The following DCPS variants were observed in gnomAD, a reference collection of about 807,000 sequenced individuals.
The protein encoded by DCPS is decapping enzyme, scavenger, also known as m7GpppX diphosphatase.
Under a neutral mutation model 34.7 loss-of-function variants are expected in DCPS, and 27 were observed. That is an observed-to-expected ratio of 0.78 (90% CI 0.57 to 1.07). The LOEUF is 1.07. Among genes scored for constraint, DCPS ranks in the 50% least tolerant of loss-of-function variants. DCPS has a pLI of 0.00. For missense variants in DCPS, 464 were observed against 436.9 expected, an observed-to-expected ratio of 1.06 and a Z score of -0.55; for synonymous variants, 185 against 185.7, an observed-to-expected ratio of 1.00 and a Z score of 0.03.
At position 126,345,287 on chromosome 11, in the gene DCPS, C is replaced by T. The variant is rs564341931; in HGVS notation, c.748-60C>T. The stretch of plus-strand genomic sequence containing the variant: ...GATGGGAGGAGGGTCTAGGTGGGGA[C>T]ATGGCGCCGGGCCTCAGGCAGCACG... On this transcript the variant is annotated intron_variant, in intron 5 of 5. Coordinates refer to ENST00000263579, the MANE Select transcript of DCPS (RefSeq NM_014026.6). This position sits in a 1 kb window ranked among gnomAD's most constrained non-coding sequence, Gnocchi z 7.4. 8 of 1,594,612 alleles carry T rather than the reference C, an allele frequency of 5.0e-6. No individual in the cohort carries two copies. In the Admixed American group the frequency reaches 1.0e-4, roughly 20 times the overall value.
rs1283342063 is a variant in DCPS at position 126,343,158 on chromosome 11, C to T, written c.637-149C>T. 5 of 650,880 alleles carry T rather than the reference C, an allele frequency of 7.7e-6. No individual in the cohort carries two copies. The Admixed American group carries it at 1.1e-4, about 14-fold the overall frequency. 40.3% of individuals were successfully genotyped at this position (650,880 alleles called of 1,614,324 possible). On this transcript the variant is annotated intron_variant, in intron 4 of 5. Transcript: ENST00000263579. ...CTGCTCCTTAAGACCATCCCACACGCCCGGGGTATGCAGATGCCCTGCGGG... is the reference window on the plus strand; with the variant it reads ...CTGCTCCTTAAGACCATCCCACACGTCCGGGGTATGCAGATGCCCTGCGGG...
At chr11:126,330,693 A>ATG (rs1951777144) in intron 2 of DCPS, among the ~76,000 whole-genome samples, 1 of 22,784 alleles carries the variant, frequency 4.4e-5, no homozygotes, top group Non-Finnish European at 7.5e-5. Flanking sequence ...TAAACCATAT[A>ATG]TATATATATA....
intron 5 of DCPS, among the ~76,000 whole-genome samples, chr11:126,343,805 C>A (rs1396937452): frequency 6.6e-6 from 1 of 152,192 alleles, no homozygotes. Context: ...TGTGTGTACA[C>A]GTGTGTCTCC....
chr11:126,322,987 G>T lies in DCPS; in HGVS notation c.377-8418G>T, dbSNP rs371432444. 6.6e-6 allele frequency among the ~76,000 whole-genome samples: 1 copy of T among 152,028 alleles called. No homozygotes were observed. Among genetic ancestry groups the T allele is most frequent in the Non-Finnish European group, 1.5e-5 (1 of 68,016 alleles). ...CGACCAGAGGCAGGTACCACCACAC[G>T]TGGCTAATTTATTATTTTTTGTAGA... On this transcript the variant is annotated intron_variant, in intron 2 of 5. Coordinates refer to ENST00000263579, the MANE Select transcript of DCPS (RefSeq NM_014026.6). This position sits in a 1 kb window ranked among gnomAD's most constrained non-coding sequence, Gnocchi z 4.2.
In DCPS at chr11:126,335,286, C is replaced by T. The variant is rs994481371; in HGVS notation, c.523-3000C>T. Among the ~76,000 whole-genome samples the T allele has an allele frequency of 1.3e-5, 2 of 152,244 alleles. No individual in the cohort carries two copies. Among genetic ancestry groups the T allele is most frequent in the African/African-American group, 4.8e-5 (2 of 41,468 alleles). On this transcript the variant is annotated intron_variant, in intron 3 of 5. Coordinates refer to ENST00000263579, the MANE Select transcript of DCPS (RefSeq NM_014026.6). The surrounding 1 kb of genome is among the most constrained non-coding windows in gnomAD (Gnocchi z 4.8). The stretch of plus-strand genomic sequence containing the variant: ...AGGGAGCTGCCAATGTCACCTACTG[C>T]AAAGAAGTCCAGCCAGGTGAGTTGC...
At chr11:126,340,972 A>G (rs567062391) in intron 4 of DCPS, 1 of 152,304 alleles carries the variant, frequency 6.6e-6, no homozygotes, top group South Asian at 2.1e-4. Flanking sequence ...ATTCAGTGAA[A>G]GTATGCTTCC....
In DCPS at chr11:126,332,148, G is replaced by T. The variant is rs1951798754; in HGVS notation, c.522+598G>T. 6.6e-6 allele frequency among the ~76,000 whole-genome samples: 1 copy of T among 152,192 alleles called. No homozygotes were observed. Among genetic ancestry groups the T allele is most frequent in the South Asian group, 2.1e-4 (1 of 4,828 alleles). Reference sequence around the variant, plus strand: ...CGGCCTGCAGGATCTCAGTCTCAGAGGAAAAACTCTTCCCTCACCGACTCC... The same window carrying T: ...CGGCCTGCAGGATCTCAGTCTCAGATGAAAAACTCTTCCCTCACCGACTCC... On this transcript the variant is annotated intron_variant, in intron 3 of 5. Transcript: ENST00000263579. The surrounding 1 kb of genome is among the most constrained non-coding windows in gnomAD (Gnocchi z 5.4).
At chr11:126,326,611 T>C (rs533786084) in intron 2 of DCPS, among the ~76,000 whole-genome samples, 91 of 152,166 alleles carry the variant, frequency 6.0e-4, no homozygotes, top group South Asian at 1.5e-3. Context: ...GTAAGAATAG[T>C]ACAAAGAACT....
chr11:126,347,977 G>A lies in DCPS; in HGVS notation c.*2364G>A, dbSNP rs1172904190. Among the ~76,000 whole-genome samples, 2 of 152,048 alleles carry A rather than the reference G, an allele frequency of 1.3e-5. No individual in the cohort carries two copies. The highest frequency in any genetic ancestry group is 1.5e-5 in the Non-Finnish European group (1 of 68,008). On this transcript the variant is annotated 3_prime_UTR_variant, in exon 6 of 6. Coordinates refer to ENST00000263579, the MANE Select transcript of DCPS (RefSeq NM_014026.6). The surrounding 1 kb of genome is among the most constrained non-coding windows in gnomAD (Gnocchi z 4.2). ...ATGCCCTCCTGCCCAGCCCCCAGTG[G>A]TGCTGCTGGAGGGTCTGACTCCACG... is the stretch of plus-strand genomic sequence containing the variant.
In DCPS at chr11:126,313,870, T is replaced by G. The variant is rs1951637084; in HGVS notation, c.376+7126T>G. Among the ~76,000 whole-genome samples, 1 of 152,234 alleles carries G rather than the reference T, an allele frequency of 6.6e-6. No homozygotes were observed. The highest frequency in any genetic ancestry group is 2.4e-5 in the African/African-American group (1 of 41,458). On this transcript the variant is annotated intron_variant, in intron 2 of 5. Coordinates refer to ENST00000263579, the MANE Select transcript of DCPS (RefSeq NM_014026.6). The surrounding 1 kb of genome is among the most constrained non-coding windows in gnomAD (Gnocchi z 4.9). ...TATATACATACACACCTGTGTTTTA[T>G]ATGTATAATGTATTTCCCAGTTGAA...
rs924614714 is a variant in DCPS, at chr11:126,325,443, A to G, written c.377-5962A>G. Among the ~76,000 whole-genome samples, 1 of 152,194 alleles carries G rather than the reference A, an allele frequency of 6.6e-6. No homozygotes were observed. The highest frequency in any genetic ancestry group is 2.1e-4 in the South Asian group (1 of 4,834). Reference sequence around the variant, plus strand: ...CATTTGGTGAAGGGATGGTAAAAAGAGATAAATTCTCATCTTCCTTAATGA... The same window carrying G: ...CATTTGGTGAAGGGATGGTAAAAAGGGATAAATTCTCATCTTCCTTAATGA... On this transcript the variant is annotated intron_variant, in intron 2 of 5. Coordinates refer to ENST00000263579, the MANE Select transcript of DCPS (RefSeq NM_014026.6). The surrounding 1 kb of genome is among the most constrained non-coding windows in gnomAD (Gnocchi z 4.3).
At chr11:126,318,229 T>C in intron 2 of DCPS, among the ~76,000 whole-genome samples, 1 of 152,224 alleles carries the variant, frequency 6.6e-6, no homozygotes, top group South Asian at 2.1e-4. Context: ...AGGCTTGCTG[T>C]GGAGTGGTTG....
chr11:126,314,960 C>T (rs966830892), intron 2 of DCPS, among the ~76,000 whole-genome samples: 3 of 151,988 alleles, frequency 2.0e-5, no homozygotes, highest in Non-Finnish European at 4.4e-5. Context: ...CCTACCTGTT[C>T]CCCAAAAACC....
intron 2 of DCPS, among the ~76,000 whole-genome samples, chr11:126,308,874 A>G (rs756746267): frequency 6.6e-6 from 1 of 151,726 alleles, no homozygotes; most frequent in South Asian, 2.1e-4. Flanking sequence ...TTCTGTTTCT[A>G]TTGTTTTTCC....
At chr11:126,326,642 G>A (rs56207600) in intron 2 of DCPS, among the ~76,000 whole-genome samples, 12,187 of 152,208 alleles carry the variant, frequency 0.08, 612 homozygotes, top group South Asian at 0.11. Context: ...AGGACTTCAC[G>A]GCCGGGCGCA....
At chr11:126,304,362 ATC>A in intron 1 of DCPS, 81 bp downstream of exon 1, 1 of 1,510,064 alleles carries the variant, frequency 6.6e-7, no homozygotes, top group Non-Finnish European at 9.1e-7. Context: ...TTTTTTTCGG[ATC>A]TCGGCTGGAA....
In DCPS at chr11:126,334,960, T is replaced by G. The variant is rs929139351; in HGVS notation, c.523-3326T>G. ...AGCCCTGGTTTCCTTGTCTGAAAAATGTAACTAATGGCTCCTCCCTCCTGG... is the reference window on the plus strand; with the variant it reads ...AGCCCTGGTTTCCTTGTCTGAAAAAGGTAACTAATGGCTCCTCCCTCCTGG... On this transcript the variant is annotated intron_variant, in intron 3 of 5. Coordinates refer to ENST00000263579, the MANE Select transcript of DCPS (RefSeq NM_014026.6). This position sits in a 1 kb window ranked among gnomAD's most constrained non-coding sequence, Gnocchi z 5.5. 3.9e-5 allele frequency among the ~76,000 whole-genome samples: 6 copies of G among 152,110 alleles called. No homozygotes were observed. The highest frequency in any genetic ancestry group is 5.9e-5 in the Non-Finnish European group (4 of 68,016).
rs61524268 is a variant in DCPS at position 126,325,208 on chromosome 11, C to CA, written c.377-6196dup. 0.84 allele frequency among the ~76,000 whole-genome samples: 127,139 copies of CA among 152,112 alleles called. 53,678 individuals carry two copies. Among genetic ancestry groups the CA allele is most frequent in the East Asian group, 1 (5,169 of 5,176 alleles). ...TTTCGAAAAAAGAAAAAAAATTAAA[C>CA]AGTAAAAATGTAATGACTTATTCCA... is the stretch of plus-strand genomic sequence containing the variant. On this transcript the variant is annotated intron_variant, in intron 2 of 5. Coordinates refer to ENST00000263579, the MANE Select transcript of DCPS (RefSeq NM_014026.6). The surrounding 1 kb of genome is among the most constrained non-coding windows in gnomAD (Gnocchi z 4.3).
intron 2 of DCPS, among the ~76,000 whole-genome samples, chr11:126,310,912 A>G (rs1162741152): frequency 1.3e-5 from 2 of 152,126 alleles, no homozygotes; most frequent in Middle Eastern, 3.2e-3. Context: ...TTCCTAGAAT[A>G]CTGTTTGCCT....
Sources: allele counts gnomAD v4.1 joint callset (sites outside exome capture counted in the v4.1 genomes callset), GRCh38; gene constraint gnomAD v4.1.1; non-coding constraint Gnocchi (gnomAD v3.1); transcripts MANE v1.5; gene names NCBI Gene and HGNC (gene_info 2026-07-23, HGNC 2026-07-21).